The following C16orf78 variants were observed in gnomAD, a reference collection of about 807,000 sequenced individuals.
C16orf78 encodes uncharacterized protein C16orf78.
In C16orf78, 19 loss-of-function variants were observed where a neutral mutation model predicts 27.3. The ratio of observed to expected loss-of-function variants is 0.70; its 90% CI spans 0.49 to 1.02. The LOEUF (loss-of-function observed/expected upper bound fraction) is 1.02, where lower values mean the gene tolerates loss of function less well. Ranked by LOEUF, C16orf78 falls within the 50% of genes least tolerant of loss-of-function variation. The probability of loss-of-function intolerance (pLI) is 0.00; values close to 1 mark genes in which losing one functional copy is unlikely to be tolerated. For missense variants in C16orf78, 339 were observed against 337.0 expected (o/e 1.01, Z -0.05); for synonymous variants, 130 against 116.1 (o/e 1.12, Z -0.77).
chr16:49,382,655 T>G (rs1965301284), intron 3 of C16orf78, among the ~76,000 whole-genome samples: 1 of 152,126 alleles, frequency 6.6e-6, no homozygotes, highest in Non-Finnish European at 1.5e-5. Flanking sequence ...CCACCAAATT[T>G]AAGGAAGCAC....
chr16:49,396,804 G>A (rs1020455329), intron 4 of C16orf78, 126 bp downstream of exon 4: 1 of 1,298,172 alleles, frequency 7.7e-7, no homozygotes, highest in Non-Finnish European at 1.0e-6. Flanking sequence ...GTGTGGCTGA[G>A]CTCCGCCCTT....
intron 3 of C16orf78, among the ~76,000 whole-genome samples, chr16:49,388,817 T>C (rs152657): frequency 0.31 from 46,602 of 152,122 alleles, 10,208 homozygotes; most frequent in African/African-American, 0.62. Flanking sequence ...AGCAAAATTG[T>C]ATGGTTTTGA....
At chr16:49,379,731 A>G (rs1180689142) in intron 3 of C16orf78, among the ~76,000 whole-genome samples, 5 of 152,348 alleles carry the variant, frequency 3.3e-5, no homozygotes, top group Middle Eastern at 3.4e-3. Context: ...TGTTAACATT[A>G]AGGGAAAATG....
intron 1 of C16orf78, among the ~76,000 whole-genome samples, chr16:49,375,736 C>CAA (rs1965208744): frequency 6.6e-6 from 1 of 152,142 alleles, no homozygotes; most frequent in Admixed American, 6.5e-5. Context: ...ACACATCTGA[C>CAA]AAACATATTT....
rs1021491489 is a variant in C16orf78 at position 49,395,568 on chromosome 16, C to A, written c.395-855C>A. ...CCCAGGGAAGCCAAAATATTGGGCA[C>A]CCCTGCAAGTCCAACAACATTTTGT... is the stretch of plus-strand genomic sequence containing the variant. On this transcript the variant is annotated intron_variant, in intron 3 of 4. Coordinates refer to ENST00000299191, the MANE Select transcript of C16orf78 (RefSeq NM_144602.4). Among the ~76,000 whole-genome samples the A allele has an allele frequency of 3.9e-5, 6 of 152,088 alleles. No individual in the cohort carries two copies. In the East Asian group the frequency reaches 7.7e-4, roughly 20 times the overall value.
At chr16:49,388,195 T>C (rs1381154341) in intron 3 of C16orf78, among the ~76,000 whole-genome samples, 1 of 152,114 alleles carries the variant, frequency 6.6e-6, no homozygotes, top group African/African-American at 2.4e-5. Flanking sequence ...TTTTTGTGTG[T>C]GTCTCAATCT....
At chr16:49,382,013 C>T (rs1339570704) in intron 3 of C16orf78, among the ~76,000 whole-genome samples, 2 of 151,954 alleles carry the variant, frequency 1.3e-5, no homozygotes. Context: ...TGGAACCAAC[C>T]CAAATGTCCA....
intron 3 of C16orf78, among the ~76,000 whole-genome samples, chr16:49,390,629 G>GT (rs1354976283): frequency 6.6e-6 from 1 of 152,212 alleles, no homozygotes; most frequent in Non-Finnish European, 1.5e-5. Context: ...CATAACAAGA[G>GT]TATGTCATAC....
chr16:49,378,369 C>T, intron 2 of C16orf78, 101 bp from the exon 3 acceptor site: 3 of 1,480,734 alleles, frequency 2.0e-6, no homozygotes, highest in African/African-American at 2.8e-5. Context: ...CTTTGCCTGC[C>T]TTTTGGCAAA....
intron 3 of C16orf78, among the ~76,000 whole-genome samples, chr16:49,383,730 T>A (rs887761180): frequency 6.6e-6 from 1 of 152,230 alleles, no homozygotes. Context: ...ATGTGGCTCA[T>A]GCTTGTAATC....
At chr16:49,396,838 G>A (rs144238481) in intron 4 of C16orf78, among the ~76,000 whole-genome samples, 160 bp downstream of exon 4, 1 of 152,196 alleles carries the variant, frequency 6.6e-6, no homozygotes, top group African/African-American at 2.4e-5. Context: ...CTGCTCCAGG[G>A]CTCAAGCCAG....
chr16:49,377,510 G>T (rs1396377476), intron 1 of C16orf78, among the ~76,000 whole-genome samples: 3 of 152,130 alleles, frequency 2.0e-5, no homozygotes, highest in African/African-American at 7.2e-5. Context: ...AGAGGAACAG[G>T]ACCAGGCCTG....
chr16:49,385,343 A>G (rs1297576976), intron 3 of C16orf78, among the ~76,000 whole-genome samples: 1 of 152,194 alleles, frequency 6.6e-6, no homozygotes, highest in Non-Finnish European at 1.5e-5. Context: ...ATCTAAGTTA[A>G]GTTGTTACCA....
intron 3 of C16orf78, among the ~76,000 whole-genome samples, chr16:49,380,776 T>C (rs994930061): frequency 1.3e-5 from 2 of 152,116 alleles, no homozygotes; most frequent in Non-Finnish European, 2.9e-5. Context: ...GTCTAACGTT[T>C]AAGTCTTTAA....
intron 4 of C16orf78, among the ~76,000 whole-genome samples, chr16:49,396,894 G>A (rs755531552): frequency 6.6e-6 from 1 of 152,214 alleles, no homozygotes; most frequent in Non-Finnish European, 1.5e-5. Context: ...CCCTGAATGG[G>A]CATGTCATTT....
intron 3 of C16orf78, among the ~76,000 whole-genome samples, chr16:49,385,321 T>C (rs937470684): frequency 1.3e-5 from 2 of 152,190 alleles, no homozygotes; most frequent in African/African-American, 4.8e-5. Context: ...GAAAGTATAG[T>C]TTTAGTATAT....
At chr16:49,392,322 G>C (rs1028537722) in intron 3 of C16orf78, among the ~76,000 whole-genome samples, 1 of 152,160 alleles carries the variant, frequency 6.6e-6, no homozygotes, top group African/African-American at 2.4e-5. Flanking sequence ...GAAATATTTA[G>C]GGATTTTTAT....
chr16:49,395,846 A>G (rs2151616408), intron 3 of C16orf78, among the ~76,000 whole-genome samples: 1 of 152,198 alleles, frequency 6.6e-6, no homozygotes, highest in South Asian at 2.1e-4. Flanking sequence ...GAGGATGGAG[A>G]GAACAGATTG....
At chr16:49,393,871 G>A (rs1391536454) in intron 3 of C16orf78, among the ~76,000 whole-genome samples, 2 of 151,686 alleles carry the variant, frequency 1.3e-5, no homozygotes, top group Admixed American at 1.3e-4. Flanking sequence ...AAAAAGAAGA[G>A]TAAAAATACA....
Sources: gnomAD v4.1 joint callset for allele counts (sites outside exome capture counted in the v4.1 genomes callset) on GRCh38, gnomAD v4.1.1 for gene constraint, MANE v1.5 for transcripts, NCBI Gene and HGNC (gene_info 2026-07-23, HGNC 2026-07-21) for gene names.